The following KIAA1217 variants were observed in gnomAD, a reference collection of about 807,000 sequenced individuals.
KIAA1217 encodes KIAA1217.
Under a neutral mutation model 163.9 loss-of-function variants are expected in KIAA1217, and 88 were observed. The ratio of observed to expected loss-of-function variants is 0.54; its 90% CI spans 0.45 to 0.64. The LOEUF is 0.64. Ranked by LOEUF, KIAA1217 falls within the 30% of genes least tolerant of loss-of-function variation. The pLI, the probability that KIAA1217 is intolerant of heterozygous loss-of-function variation, is 0.00. For synonymous variants in KIAA1217, 903 were observed against 923.1 expected, an observed-to-expected ratio of 0.98 and a Z score of 0.39; for missense variants, 2,372 against 2,475.0, an observed-to-expected ratio of 0.96 and a Z score of 0.88.
Position 24,220,697 on chromosome 10 carries a change from G to A in KIAA1217, c.354+788G>A, listed in dbSNP as rs905602489. Among the ~76,000 whole-genome samples the A allele has an allele frequency of 4.1e-5, 6 of 147,572 alleles. No individual in the cohort carries two copies. The South Asian group carries it at 6.4e-4, about 16-fold the overall frequency. ...TCTCGATCTCCTGATCTCGTGATCC[G>A]CCCACCTCAGCCTCCCAAAGTGCTG... On this transcript the variant is annotated intron_variant, in intron 2 of 20. Transcript: ENST00000376454.
At chr10:23,898,450 C>T (rs1841804215) in intron 1 of KIAA1217, among the ~76,000 whole-genome samples, 1 of 151,830 alleles carries the variant, frequency 6.6e-6, no homozygotes, top group East Asian at 1.9e-4. Flanking sequence ...ACAAAATCAC[C>T]TTACTTTTAT....
At chr10:23,738,818 A>T (rs1469277018) in intron 1 of KIAA1217, among the ~76,000 whole-genome samples, 1 of 143,596 alleles carries the variant, frequency 7.0e-6, no homozygotes, top group Non-Finnish European at 1.5e-5. Flanking sequence ...TATAGTAGTG[A>T]ACAAAACAGG....
At chr10:23,897,043 G>A (rs1488157709) in intron 1 of KIAA1217, among the ~76,000 whole-genome samples, 1 of 152,012 alleles carries the variant, frequency 6.6e-6, no homozygotes, top group African/African-American at 2.4e-5. Flanking sequence ...CTTTTTGGAA[G>A]CAAGTGATAA....
At chr10:23,808,542 C>T (rs993616669) in intron 1 of KIAA1217, among the ~76,000 whole-genome samples, 1 of 151,182 alleles carries the variant, frequency 6.6e-6, no homozygotes, top group Non-Finnish European at 1.5e-5. Context: ...GAACTGCAGT[C>T]ATTTAAAGAA....
rs754183744 is a variant in KIAA1217 at position 24,473,516 on chromosome 10, A to C, written c.1135A>C (p.Met379Leu). 6 of 1,614,058 alleles carry C rather than the reference A, an allele frequency of 3.7e-6. No homozygotes were observed. Among genetic ancestry groups the C allele is most frequent in the Non-Finnish European group, 5.1e-6 (6 of 1,180,034 alleles). The change falls in exon 6 of 21, where the codon ATG (methionine) becomes CTG (leucine). Residue 379 changes from methionine to leucine, a missense_variant. Met to Leu is a conservative substitution (Grantham distance 15). Coordinates refer to ENST00000376454, the MANE Select transcript of KIAA1217 (RefSeq NM_019590.5). Reference sequence around the variant, plus strand: ...AAGAGATGTCAAGCCTGATGAAGACATGAGTGGCAAAAACATTGCAATGTA... The same window carrying C: ...AAGAGATGTCAAGCCTGATGAAGACCTGAGTGGCAAAAACATTGCAATGTA... The part of the protein sequence containing the change: ...ERRDVKPDED[M>L]SGKNIAMYRN...
intron 2 of KIAA1217, among the ~76,000 whole-genome samples, chr10:24,100,313 G>A (rs971379970): frequency 1.1e-4 from 16 of 152,176 alleles, no homozygotes; most frequent in Admixed American, 7.2e-4. Flanking sequence ...TGCAGACAGC[G>A]ACCCATTGGG....
At chr10:24,021,632 C>A (rs1015887793) in intron 2 of KIAA1217, among the ~76,000 whole-genome samples, 4 of 151,732 alleles carry the variant, frequency 2.6e-5, no homozygotes, top group Non-Finnish European at 5.9e-5. Context: ...ATACAAATAG[C>A]CAACACAGTA....
At chr10:24,217,187 G>A (rs2068947060) in intron 1 of KIAA1217, among the ~76,000 whole-genome samples, 1 of 152,040 alleles carries the variant, frequency 6.6e-6, no homozygotes, top group Admixed American at 6.6e-5. Flanking sequence ...AGCATTTTTG[G>A]CATCTAGCTT....
At chr10:24,216,586 G>A (rs1314855811) in intron 1 of KIAA1217, among the ~76,000 whole-genome samples, 1 of 151,958 alleles carries the variant, frequency 6.6e-6, no homozygotes, top group Non-Finnish European at 1.5e-5. Flanking sequence ...CGGCACTTTG[G>A]GAGGCTGAGG....
intron 3 of KIAA1217, among the ~76,000 whole-genome samples, chr10:24,432,478 C>G (rs1400680054): frequency 6.6e-6 from 1 of 150,920 alleles, no homozygotes; most frequent in Non-Finnish European, 1.5e-5. Context: ...GTTTTTGAGT[C>G]AGGGTCTCAC....
rs187066565 is a variant in KIAA1217 at position 23,907,989 on chromosome 10, G to A, written c.-320-99236G>A. Among the ~76,000 whole-genome samples, 5 of 152,116 alleles carry A rather than the reference G, an allele frequency of 3.3e-5. No individual in the cohort carries two copies. In the East Asian group the frequency reaches 9.7e-4, roughly 30 times the overall value. On this transcript the variant is annotated intron_variant, in intron 1 of 18. Transcript: ENST00000376462. ...AAATTCTTCTTTGCTTGAGATGGGG[G>A]CTTGGTAGTGAAGCCATATTGGGTA...
intron 10 of KIAA1217, among the ~76,000 whole-genome samples, chr10:24,514,921 G>A (rs2069815216): frequency 6.6e-6 from 1 of 152,010 alleles, no homozygotes. Flanking sequence ...GAACCCGGGA[G>A]GGGAAGGTTG....
chr10:24,262,316 G>T (rs891376790), intron 2 of KIAA1217, among the ~76,000 whole-genome samples: 4 of 152,016 alleles, frequency 2.6e-5, no homozygotes, highest in Admixed American at 2.6e-4. Context: ...TTAGAGGCTT[G>T]ATGATTGTCT....
intron 2 of KIAA1217, among the ~76,000 whole-genome samples, chr10:24,309,344 G>GCA (rs1450823700): frequency 1.0e-4 from 7 of 66,696 alleles, no homozygotes; most frequent in East Asian, 1.3e-3. Flanking sequence ...GCGCGCACGC[G>GCA]CGCGCGCACA....
chr10:23,883,336 A>G (rs144273364), intron 1 of KIAA1217, among the ~76,000 whole-genome samples: 2 of 151,796 alleles, frequency 1.3e-5, no homozygotes, highest in Non-Finnish European at 2.9e-5. Context: ...AATGTGTAGA[A>G]TAAAAGGTGG....
intron 1 of KIAA1217, among the ~76,000 whole-genome samples, chr10:23,821,094 T>TGTGTGTGC (rs1491107877): frequency 2.2e-5 from 3 of 137,852 alleles, no homozygotes; most frequent in Non-Finnish European, 4.6e-5. Context: ...TTCTTGCAGC[T>TGTGTGTGC]GTGTGTGTGC....
At chr10:23,818,008 T>TATATATATAC (rs1415893173) in intron 1 of KIAA1217, among the ~76,000 whole-genome samples, 4 of 87,264 alleles carry the variant, frequency 4.6e-5, no homozygotes, top group Admixed American at 1.3e-4. Flanking sequence ...TATATATATA[T>TATATATATAC]ACACACATAT....
Position 24,130,415 on chromosome 10 carries a change from GC to G in KIAA1217, c.-170-89210del, listed in dbSNP as rs555479464. 3.9e-5 allele frequency among the ~76,000 whole-genome samples: 6 copies of G among 152,266 alleles called. No homozygotes were observed. In the East Asian group the frequency reaches 1.2e-3, roughly 29 times the overall value. ...GAACCAGATTATAGGCTATTTTAAG[GC>G]AGTTATGAAGTTTCATGTCCTGTAG... On this transcript the variant is annotated intron_variant, in intron 2 of 18. Transcript: ENST00000376462.
intron 1 of KIAA1217, among the ~76,000 whole-genome samples, chr10:23,998,757 A>C (rs2131458310): frequency 6.6e-6 from 1 of 152,360 alleles, no homozygotes; most frequent in Non-Finnish European, 1.5e-5. Context: ...AATTCTCATA[A>C]GCAGAGGGCC....
Sources: allele counts gnomAD v4.1 joint callset (sites outside exome capture counted in the v4.1 genomes callset), GRCh38; gene constraint gnomAD v4.1.1; transcripts MANE v1.5; gene names NCBI Gene and HGNC (gene_info 2026-07-23, HGNC 2026-07-21).